Variants in ARHGAP26 observed in about 807,000 individuals in gnomAD.
ARHGAP26 encodes the protein rho GTPase-activating protein 26.
In ARHGAP26, 38 loss-of-function variants were observed where a neutral mutation model predicts 104.8. The observed-to-expected ratio is 0.36, with a 90% CI of 0.28 to 0.48. ARHGAP26 has a LOEUF of 0.48. Ranked by LOEUF, ARHGAP26 falls within the 20% of genes least tolerant of loss-of-function variation. The pLI is 0.99. For missense variants in ARHGAP26, 704 were observed against 947.9 expected (o/e 0.74, Z 3.38); for synonymous variants, 341 against 340.0 (o/e 1.00, Z -0.03).
intron 17 of ARHGAP26, among the ~76,000 whole-genome samples, chr5:143,077,952 CCT>C (rs774416233): frequency 2.0e-5 from 3 of 152,270 alleles, no homozygotes; most frequent in East Asian, 1.9e-4. Flanking sequence ...CCCCTGATTG[CCT>C]CTCACCTTTG....
chr5:143,008,264 T>G (rs557813060), intron 11 of ARHGAP26, among the ~76,000 whole-genome samples: 1 of 152,324 alleles, frequency 6.6e-6, no homozygotes, highest in South Asian at 2.1e-4. Flanking sequence ...GGATGATAAC[T>G]GATGTGCATG....
chr5:143,179,404 G>A (rs1803973658), intron 20 of ARHGAP26, among the ~76,000 whole-genome samples: 1 of 152,178 alleles, frequency 6.6e-6, no homozygotes, highest in African/African-American at 2.4e-5. Flanking sequence ...CAACTTCTTG[G>A]ACCAGCCTGG....
chr5:142,928,025 A>G (rs1033418045), intron 10 of ARHGAP26, among the ~76,000 whole-genome samples: 2 of 152,200 alleles, frequency 1.3e-5, no homozygotes, highest in East Asian at 3.8e-4. Context: ...ACTCACTTGT[A>G]GGCATTCTTT....
intron 22 of ARHGAP26, among the ~76,000 whole-genome samples, chr5:143,214,934 C>T (rs1478886159): frequency 6.6e-6 from 1 of 152,180 alleles, no homozygotes; most frequent in African/African-American, 2.4e-5. Context: ...TTCATCTAGG[C>T]CCTTTATAAA....
chr5:142,928,275 G>A (rs1198529203), intron 10 of ARHGAP26, among the ~76,000 whole-genome samples: 1 of 144,566 alleles, frequency 6.9e-6, no homozygotes, highest in East Asian at 2.0e-4. Flanking sequence ...TCCATCTCTT[G>A]AGTATTTTAA....
At chr5:142,880,325 C>G (rs1380153077) in intron 4 of ARHGAP26, among the ~76,000 whole-genome samples, 11 of 152,142 alleles carry the variant, frequency 7.2e-5, no homozygotes, top group Non-Finnish European at 7.4e-5. Context: ...CGAGACCAGG[C>G]TGGCCAATAT....
chr5:142,803,149 A>T (rs2151971225), intron 1 of ARHGAP26, among the ~76,000 whole-genome samples: 1 of 152,324 alleles, frequency 6.6e-6, no homozygotes, highest in Non-Finnish European at 1.5e-5. Flanking sequence ...TGTGTTTGGG[A>T]AATAAAATAG....
rs181387265 is a variant in ARHGAP26, at chr5:142,940,842, C to T, written c.1107+8717C>T. Among the ~76,000 whole-genome samples the T allele has an allele frequency of 5.9e-5, 9 of 151,656 alleles. No homozygotes were observed. In the South Asian group the frequency reaches 6.2e-4, roughly 11 times the overall value. On this transcript the variant is annotated intron_variant, in intron 11 of 22. Transcript: ENST00000645722. ...CTGTAATCCCAGCACTTTGGGAAGC[C>T]GAGGTGGGCAGATAACGAGGTCAGG...
At chr5:143,101,259 A>G (rs1001514627) in intron 17 of ARHGAP26, among the ~76,000 whole-genome samples, 2 of 152,194 alleles carry the variant, frequency 1.3e-5, no homozygotes, top group African/African-American at 4.8e-5. Context: ...ATTTTTAGAG[A>G]TGAGGGCAAA....
At chr5:142,940,533 A>G (rs1193957578) in intron 11 of ARHGAP26, among the ~76,000 whole-genome samples, 1 of 152,116 alleles carries the variant, frequency 6.6e-6, no homozygotes, top group Non-Finnish European at 1.5e-5. Context: ...TCCCACTTAT[A>G]AGTGAGAATA....
At position 142,993,050 on chromosome 5, in the gene ARHGAP26, C is replaced by T. The variant is rs530340378; in HGVS notation, c.1108-21030C>T. On this transcript the variant is annotated intron_variant, in intron 11 of 22. Coordinates refer to ENST00000645722, the MANE Select transcript of ARHGAP26 (RefSeq NM_001135608.3). ...AGGCTGGAGTGCAGTGGCGGGATCT[C>T]GGCTCACTGCAACCTCCACCTCCCA... is the stretch of plus-strand genomic sequence containing the variant. 4.6e-5 allele frequency among the ~76,000 whole-genome samples: 7 copies of T among 152,002 alleles called. 1 individual carries two copies. The South Asian group carries it at 6.2e-4, about 14-fold the overall frequency.
chr5:142,802,375 G>T (rs1199887476), intron 1 of ARHGAP26, among the ~76,000 whole-genome samples: 1 of 152,172 alleles, frequency 6.6e-6, no homozygotes, highest in Non-Finnish European at 1.5e-5. Flanking sequence ...GCTGAGATCT[G>T]CCAGTAGATG....
At chr5:142,899,685 T>G (rs1043974276) in intron 6 of ARHGAP26, among the ~76,000 whole-genome samples, 5 of 151,984 alleles carry the variant, frequency 3.3e-5, no homozygotes, top group African/African-American at 1.2e-4. Context: ...TTTCCCACTT[T>G]GTAATACTTC....
At chr5:143,217,766 G>T (rs1810558700) in intron 22 of ARHGAP26, among the ~76,000 whole-genome samples, 1 of 152,178 alleles carries the variant, frequency 6.6e-6, no homozygotes. Context: ...CCTCTCACCT[G>T]GGCGCTTCCA....
intron 17 of ARHGAP26, among the ~76,000 whole-genome samples, chr5:143,104,027 GA>G (rs542871562): frequency 0.012 from 1,634 of 134,464 alleles, 16 homozygotes; most frequent in African/African-American, 0.032. Flanking sequence ...TAGACCTAGA[GA>G]AAAAAAAAAA....
At chr5:143,026,964 A>T (rs992527833) in intron 12 of ARHGAP26, among the ~76,000 whole-genome samples, 4 of 152,070 alleles carry the variant, frequency 2.6e-5, no homozygotes, top group Non-Finnish European at 5.9e-5. Context: ...AGGATTGGTT[A>T]ATGGATTGGA....
intron 11 of ARHGAP26, among the ~76,000 whole-genome samples, chr5:142,949,904 C>G (rs1295760478): frequency 6.6e-6 from 1 of 152,174 alleles, no homozygotes; most frequent in Non-Finnish European, 1.5e-5. Flanking sequence ...GCCCTGTGGC[C>G]TACTGCCAAT....
intron 1 of ARHGAP26, among the ~76,000 whole-genome samples, chr5:142,839,191 G>A (rs997941745): frequency 8.5e-5 from 13 of 152,188 alleles, no homozygotes; most frequent in African/African-American, 3.1e-4. Flanking sequence ...AGTTTGAGAT[G>A]AGTCGTTTGA....
At chr5:143,210,261 AAG>A (rs1809244694) in intron 21 of ARHGAP26, among the ~76,000 whole-genome samples, 1 of 152,274 alleles carries the variant, frequency 6.6e-6, no homozygotes, top group Middle Eastern at 3.4e-3. Context: ...GGCAGGCAAA[AAG>A]AGAGTTTGTG....
Sources: allele counts gnomAD v4.1 joint callset (sites outside exome capture counted in the v4.1 genomes callset), GRCh38; gene constraint gnomAD v4.1.1; transcripts MANE v1.5; gene names NCBI Gene and HGNC (gene_info 2026-07-23, HGNC 2026-07-21).